EPHA4: variants seen among roughly 807,000 people sequenced by gnomAD.
EPHA4 encodes EPH receptor A4, also known as ephrin type-A receptor 4.
Under a neutral mutation model 108.3 loss-of-function variants are expected in EPHA4, and 19 were observed. The ratio of observed to expected loss-of-function variants is 0.18; its 90% CI spans 0.12 to 0.26. EPHA4 has a LOEUF of 0.26. EPHA4 is among the 10% of genes least tolerant of loss of function. EPHA4 has a pLI of 1.00. For missense variants in EPHA4, 917 were observed against 1,254.0 expected, an observed-to-expected ratio of 0.73 and a Z score of 4.06; for synonymous variants, 449 against 455.5, an observed-to-expected ratio of 0.99 and a Z score of 0.18.
At chr2:221,553,027 C>T (rs1445933465) in intron 3 of EPHA4, among the ~76,000 whole-genome samples, 1 of 152,168 alleles carries the variant, frequency 6.6e-6, no homozygotes, top group East Asian at 1.9e-4. Context: ...ACTGGCAACA[C>T]ATCATGAGGC....
chr2:221,527,464 A>G (rs917347304), intron 3 of EPHA4, among the ~76,000 whole-genome samples: 16 of 152,194 alleles, frequency 1.1e-4, no homozygotes, highest in Non-Finnish European at 1.6e-4. Flanking sequence ...ATACAGGACA[A>G]TGATTCAGCC....
In EPHA4 at chr2:221,563,765, G is replaced by C. The variant is rs779199200; in HGVS notation, c.789C>G (p.Asn263Lys). ...WLVPIGNCLCNAGHEERSGEC... is the reference protein window; with the variant it reads ...WLVPIGNCLCKAGHEERSGEC... ...CTCCGCTCCGCTCCTCATGCCCAGC[G>C]TTGCATAGGCAGTTGCCAATGGGTA... The change falls in exon 3 of 18, where the codon AAC becomes AAG. Residue 263 changes from asparagine to lysine, a missense_variant. Asn to Lys is a moderately conservative substitution (Grantham distance 94). This residue lies in a region of EPHA4 where 758 missense variants were observed against 1,076.7 expected (regional missense o/e 0.70). Coordinates refer to ENST00000281821, the MANE Select transcript of EPHA4 (RefSeq NM_004438.5). 3.7e-6 allele frequency: 6 copies of C among 1,614,200 alleles called. 1 individual carries two copies. The highest frequency in any genetic ancestry group is 3.3e-5 in the South Asian group (3 of 91,082).
chr2:221,429,924 T>C (rs1198489185), intron 15 of EPHA4, 34 bp downstream of exon 15: 2 of 1,610,380 alleles, frequency 1.2e-6, no homozygotes, highest in Non-Finnish European at 1.7e-6. Context: ...TAATGTGTTC[T>C]TTCATACATC....
Position 221,572,252 on chromosome 2 carries a change from T to C in EPHA4, c.-4A>G. 6.2e-7 allele frequency: 1 copy of C among 1,613,446 alleles called. No homozygotes were observed. The highest frequency in any genetic ancestry group is 8.5e-7 in the Non-Finnish European group (1 of 1,179,340). ...CGAAATAGAAAATCCCAGCCATGGTTCGCCGGTGCCAACGCTGCTCCTGCC... is the reference window on the plus strand; with the variant it reads ...CGAAATAGAAAATCCCAGCCATGGTCCGCCGGTGCCAACGCTGCTCCTGCC... On this transcript the variant is annotated 5_prime_UTR_variant, in exon 1 of 18. Transcript: ENST00000281821.
chr2:221,502,765 A>G (rs1303838495), intron 3 of EPHA4, among the ~76,000 whole-genome samples: 1 of 152,194 alleles, frequency 6.6e-6, no homozygotes, highest in Non-Finnish European at 1.5e-5. Flanking sequence ...TACTAACTGA[A>G]GTTGTTTATG....
intron 14 of EPHA4, among the ~76,000 whole-genome samples, chr2:221,431,695 G>A (rs1690081449): frequency 1.3e-5 from 2 of 152,190 alleles, no homozygotes; most frequent in Non-Finnish European, 2.9e-5. Context: ...TGAGGAGAAT[G>A]AAAGCAACAC....
chr2:221,474,300 G>C (rs1205226324), intron 5 of EPHA4, among the ~76,000 whole-genome samples: 5 of 151,724 alleles, frequency 3.3e-5, no homozygotes, highest in African/African-American at 7.3e-5. Context: ...ATATCTGCTG[G>C]TTTATTTTAT....
At chr2:221,562,775 C>A (rs536132973) in intron 3 of EPHA4, among the ~76,000 whole-genome samples, 3 of 152,110 alleles carry the variant, frequency 2.0e-5, no homozygotes, top group Admixed American at 6.5e-5. Flanking sequence ...ACATGACAAA[C>A]AATCTGTATA....
intron 4 of EPHA4, among the ~76,000 whole-genome samples, chr2:221,489,917 T>A (rs1574606254): frequency 6.6e-6 from 1 of 151,920 alleles, no homozygotes. Flanking sequence ...CCATGGTAGG[T>A]GGAAGGCTTG....
intron 1 of EPHA4, 107 bp downstream of exon 1, chr2:221,572,050 AT>A: frequency 2.2e-6 from 2 of 923,864 alleles, no homozygotes; most frequent in East Asian, 4.9e-5. Context: ...GGGACGCACC[AT>A]TCACACTGGG....
Position 221,483,241 on chromosome 2 carries a change from C to T in EPHA4, c.980-551G>A, listed in dbSNP as rs118115951. ...GGGTAATTAGTACGAACTGGTTTAA[C>T]GCGGTTGCAGAGATGTTGAAGATAC... On this transcript the variant is annotated intron_variant, in intron 4 of 17. Coordinates refer to ENST00000281821, the MANE Select transcript of EPHA4 (RefSeq NM_004438.5). 4.6e-5 allele frequency among the ~76,000 whole-genome samples: 7 copies of T among 152,156 alleles called. No individual in the cohort carries two copies. In the East Asian group the frequency reaches 1.4e-3, roughly 29 times the overall value.
rs546975400 is a variant in EPHA4, at chr2:221,558,027, G to A, written c.823+5704C>T. Reference sequence around the variant, plus strand: ...GACAACCTAGATAGCTACCAATAACGAAAACATTAAATAAAGCATGGTATA... The same window carrying A: ...GACAACCTAGATAGCTACCAATAACAAAAACATTAAATAAAGCATGGTATA... On this transcript the variant is annotated intron_variant, in intron 3 of 17. Transcript: ENST00000281821. Among the ~76,000 whole-genome samples, 9 of 152,170 alleles carry A rather than the reference G, an allele frequency of 5.9e-5. No individual in the cohort carries two copies. In the South Asian group the frequency reaches 8.3e-4, roughly 14 times the overall value.
intron 4 of EPHA4, among the ~76,000 whole-genome samples, chr2:221,499,826 C>T (rs1259429472): frequency 2.2e-5 from 3 of 135,762 alleles, no homozygotes; most frequent in Non-Finnish European, 3.1e-5. Flanking sequence ...GGTGCGATCT[C>T]GCCTCTCTGC....
At chr2:221,426,688 A>T in intron 15 of EPHA4, 69 bp from the exon 16 acceptor site, 1 of 1,395,426 alleles carries the variant, frequency 7.2e-7, no homozygotes, top group Non-Finnish European at 9.8e-7. Context: ...CAGAAATCTG[A>T]TTGCCTCAAA....
In EPHA4 at chr2:221,572,144, C is replaced by T; in HGVS notation, c.91+14G>A. The T allele has an allele frequency of 6.2e-7, 1 of 1,610,942 alleles. No homozygotes were observed. Among genetic ancestry groups the T allele is most frequent in the Non-Finnish European group, 8.5e-7 (1 of 1,177,268 alleles). ...TCGCTGTCCCCGACCACAGAAAGGCCGTCCCGCTCTTACCTTCATTCGCGG... is the reference window on the plus strand; with the variant it reads ...TCGCTGTCCCCGACCACAGAAAGGCTGTCCCGCTCTTACCTTCATTCGCGG... On this transcript the variant is annotated intron_variant, in intron 1 of 17. Coordinates refer to ENST00000281821, the MANE Select transcript of EPHA4 (RefSeq NM_004438.5).
At chr2:221,502,924 G>A (rs1443538013) in intron 3 of EPHA4, among the ~76,000 whole-genome samples, 1 of 152,176 alleles carries the variant, frequency 6.6e-6, no homozygotes, top group African/African-American at 2.4e-5. Flanking sequence ...TGAGATTTAT[G>A]TGTCTCAAGT....
intron 5 of EPHA4, among the ~76,000 whole-genome samples, chr2:221,472,515 CAT>C (rs753001425): frequency 1.1e-4 from 17 of 152,042 alleles, no homozygotes; most frequent in Admixed American, 2.6e-4. Context: ...GTTGAAGCTA[CAT>C]ATTTAAGTCT....
intron 2 of EPHA4, among the ~76,000 whole-genome samples, chr2:221,564,716 T>G (rs1349051710): frequency 6.6e-6 from 1 of 152,040 alleles, no homozygotes; most frequent in Non-Finnish European, 1.5e-5. Flanking sequence ...AGCTACAATT[T>G]CAAGTGGCAA....
At chr2:221,528,669 A>C (rs1226164421) in intron 3 of EPHA4, among the ~76,000 whole-genome samples, 1 of 152,148 alleles carries the variant, frequency 6.6e-6, no homozygotes, top group African/African-American at 2.4e-5. Flanking sequence ...AGTTTCAGGG[A>C]GATTACCCAG....
Sources: allele counts gnomAD v4.1 joint callset (sites outside exome capture counted in the v4.1 genomes callset), GRCh38; gene constraint gnomAD v4.1.1; regional missense constraint gnomAD v4.1.1; transcripts MANE v1.5; gene names NCBI Gene and HGNC (gene_info 2026-07-23, HGNC 2026-07-21).